EYS: variants seen among roughly 807,000 people sequenced by gnomAD.
EYS encodes protein eyes shut homolog.
In EYS, 250 loss-of-function variants were observed where a neutral mutation model predicts 282.1. The observed-to-expected ratio is 0.89, with a 90% confidence interval of 0.80 to 0.98. The LOEUF is 0.98. Among genes scored for constraint, EYS ranks in the 50% least tolerant of loss-of-function variants. EYS has a pLI of 0.00. For synonymous variants in EYS, 1,355 were observed against 1,282.9 expected (o/e 1.06, Z -1.20); for missense variants, 4,016 against 3,709.0 (o/e 1.08, Z -2.15).
chr6:64,411,838 A>G (rs1773901167), intron 28 of EYS, among the ~76,000 whole-genome samples: 1 of 99,018 alleles, frequency 1.0e-5, no homozygotes, highest in South Asian at 3.3e-4. Context: ...TATGAGATAC[A>G]CATATATGTT....
At chr6:63,832,491 A>T (rs920882161) in intron 36 of EYS, among the ~76,000 whole-genome samples, 1 of 152,206 alleles carries the variant, frequency 6.6e-6, no homozygotes, top group Non-Finnish European at 1.5e-5. Flanking sequence ...TCCTGGACAC[A>T]TATACCCTCC....
At chr6:65,514,024 T>C (rs1163933807) in intron 2 of EYS, among the ~76,000 whole-genome samples, 3 of 152,090 alleles carry the variant, frequency 2.0e-5, no homozygotes, top group Admixed American at 6.6e-5. Flanking sequence ...GATGACATGA[T>C]TGTATATCTA....
chr6:64,482,813 T>G (rs530505409), intron 26 of EYS, among the ~76,000 whole-genome samples: 1 of 151,808 alleles, frequency 6.6e-6, no homozygotes, highest in East Asian at 1.9e-4. Flanking sequence ...AACAATTTTT[T>G]TACCTGCAGA....
intron 8 of EYS, among the ~76,000 whole-genome samples, chr6:65,357,495 G>A (rs1764532707): frequency 6.6e-6 from 1 of 151,902 alleles, no homozygotes; most frequent in South Asian, 2.1e-4. Flanking sequence ...GGGAAAAGGG[G>A]AAACATTAAA....
At chr6:64,779,480 T>G (rs1276981579) in intron 22 of EYS, among the ~76,000 whole-genome samples, 1 of 151,452 alleles carries the variant, frequency 6.6e-6, no homozygotes, top group Non-Finnish European at 1.5e-5. Context: ...TTGCCAGGAG[T>G]TGGGTTGGGG....
chr6:64,575,878 G>C (rs755328056), intron 26 of EYS, among the ~76,000 whole-genome samples: 3 of 152,028 alleles, frequency 2.0e-5, no homozygotes, highest in Non-Finnish European at 4.4e-5. Flanking sequence ...CTAACATTTA[G>C]GTGGCACTGT....
chr6:63,974,834 T>C (rs1766756464), intron 35 of EYS, among the ~76,000 whole-genome samples: 1 of 152,050 alleles, frequency 6.6e-6, no homozygotes, highest in Admixed American at 6.6e-5. Context: ...CTTTCTGCCC[T>C]GTGAAAACAA....
intron 12 of EYS, among the ~76,000 whole-genome samples, chr6:65,289,590 G>A (rs1160303224): frequency 2.6e-5 from 4 of 151,184 alleles, no homozygotes; most frequent in East Asian, 1.9e-4. Context: ...AAGTATATGC[G>A]TAAGGTAAAT....
intron 35 of EYS, among the ~76,000 whole-genome samples, chr6:63,906,031 C>T (rs1466177075): frequency 6.6e-6 from 1 of 152,138 alleles, no homozygotes; most frequent in East Asian, 1.9e-4. Context: ...ATTTAAAAAG[C>T]AATGTATGCC....
At chr6:65,167,709 G>A (rs941707610) in intron 12 of EYS, among the ~76,000 whole-genome samples, 10 of 151,304 alleles carry the variant, frequency 6.6e-5, no homozygotes, top group Non-Finnish European at 1.2e-4. Context: ...TTATATCTCC[G>A]AATATTGCTT....
chr6:65,027,810 GTTGT>G (rs1352178877), intron 13 of EYS, among the ~76,000 whole-genome samples: 1 of 152,126 alleles, frequency 6.6e-6, no homozygotes. Context: ...TGTAAGGCAT[GTTGT>G]TTGTTTGCAT....
rs144333825 is a variant in EYS, at chr6:64,769,177, A to G, written c.3443+44201T>C. On this transcript the variant is annotated intron_variant, in intron 22 of 42. Coordinates refer to ENST00000503581, the MANE Select transcript of EYS (RefSeq NM_001142800.2). ...TAAAGAAGGTGCGCCTCACTCTACT[A>G]TTACAGGCCTAAATCATTTCTTTTT... 4.5e-4 allele frequency among the ~76,000 whole-genome samples: 69 copies of G among 152,202 alleles called. No individual in the cohort carries two copies. The East Asian group carries it at 0.012, about 27-fold the overall frequency.
intron 30 of EYS, among the ~76,000 whole-genome samples, chr6:64,275,492 C>CAGG (rs1261475201): frequency 6.7e-6 from 1 of 150,260 alleles, no homozygotes; most frequent in Non-Finnish European, 1.5e-5. Context: ...CTCTGTCACC[C>CAGG]AGGCAGTGGT....
At chr6:64,657,183 CT>C (rs897823731) in intron 22 of EYS, among the ~76,000 whole-genome samples, 1 of 151,918 alleles carries the variant, frequency 6.6e-6, no homozygotes, top group African/African-American at 2.4e-5. Flanking sequence ...CAACCCCTGC[CT>C]TTTTTTGTTT....
At chr6:65,677,950 T>C (rs1768682415) in intron 1 of EYS, among the ~76,000 whole-genome samples, 1 of 152,046 alleles carries the variant, frequency 6.6e-6, no homozygotes, top group African/African-American at 2.4e-5. Context: ...TCTGTGTTAG[T>C]CCATTGTTGT....
At chr6:64,622,549 T>C (rs1046045775) in intron 23 of EYS, among the ~76,000 whole-genome samples, 4 of 152,114 alleles carry the variant, frequency 2.6e-5, no homozygotes, top group African/African-American at 9.7e-5. Context: ...ACAGCTCTGT[T>C]TGTACTAAAA....
chr6:64,256,017 G>A (rs1451325590), intron 30 of EYS, among the ~76,000 whole-genome samples: 1 of 151,858 alleles, frequency 6.6e-6, no homozygotes, highest in East Asian at 1.9e-4. Flanking sequence ...ATTCAGCAAT[G>A]AATATCCTTT....
At position 65,168,191 on chromosome 6, in the gene EYS, G is replaced by T. The variant is rs1354919522; in HGVS notation, c.2024-110464C>A. On this transcript the variant is annotated intron_variant, in intron 12 of 42. Coordinates refer to ENST00000503581, the MANE Select transcript of EYS (RefSeq NM_001142800.2). ...ATGGAAAGCATGTGAGGCAGGGAATGAAATTATCTTTTCTTATATAAAAAG... is the reference window on the plus strand; with the variant it reads ...ATGGAAAGCATGTGAGGCAGGGAATTAAATTATCTTTTCTTATATAAAAAG... Among the ~76,000 whole-genome samples, 3 of 151,122 alleles carry T rather than the reference G, an allele frequency of 2.0e-5. No homozygotes were observed. The Admixed American group carries it at 2.0e-4, about 10-fold the overall frequency.
chr6:65,155,589 G>C (rs1764712880), intron 12 of EYS, among the ~76,000 whole-genome samples: 1 of 151,218 alleles, frequency 6.6e-6, no homozygotes, highest in Non-Finnish European at 1.5e-5. Context: ...CTGTCTTGTG[G>C]GTTATTAACC....
Sources: allele counts gnomAD v4.1 joint callset (sites outside exome capture counted in the v4.1 genomes callset), GRCh38; gene constraint gnomAD v4.1.1; transcripts MANE v1.5; gene names NCBI Gene and HGNC (gene_info 2026-07-23, HGNC 2026-07-21).